Variants in TACR1 observed in about 807,000 individuals in gnomAD.
TACR1 encodes the protein substance-P receptor.
TACR1 carries 25 observed loss-of-function variants against 35.8 expected under a neutral mutation model. That is an observed-to-expected ratio of 0.70 (90% CI 0.51 to 0.98). The LOEUF (loss-of-function observed/expected upper bound fraction) is 0.98. Among genes scored for constraint, TACR1 ranks in the 50% least tolerant of loss-of-function variants. TACR1 has a pLI of 0.00. For missense variants in TACR1, 478 were observed against 522.9 expected, an observed-to-expected ratio of 0.91 and a Z score of 0.84; for synonymous variants, 195 against 206.7, an observed-to-expected ratio of 0.94 and a Z score of 0.48.
chr2:75,094,859 A>ATATATTTTTTTTTTTTTTTT, intron 2 of TACR1, among the ~76,000 whole-genome samples: 2 of 113,134 alleles, frequency 1.8e-5, no homozygotes, highest in African/African-American at 9.6e-5. Context: ...ATATATATAT[A>ATATATTTTTTTTTTTTTTTT]TTTTTTTTTT....
At chr2:75,066,097 G>A (rs911380110) in intron 2 of TACR1, among the ~76,000 whole-genome samples, 3 of 152,190 alleles carry the variant, frequency 2.0e-5, no homozygotes, top group Admixed American at 2.0e-4. Flanking sequence ...AATGTAAATA[G>A]CTATCGGCTT....
At chr2:75,112,650 A>G (rs1446597807) in intron 2 of TACR1, among the ~76,000 whole-genome samples, 9 of 151,958 alleles carry the variant, frequency 5.9e-5, no homozygotes, top group Non-Finnish European at 1.2e-4. Flanking sequence ...TCCATTTTTC[A>G]TTTTATTTTG....
At chr2:75,161,205 G>A (rs920155552) in intron 1 of TACR1, among the ~76,000 whole-genome samples, 4 of 151,962 alleles carry the variant, frequency 2.6e-5, no homozygotes, top group Non-Finnish European at 5.9e-5. Context: ...AGGGATAAAC[G>A]GTTGAGAAGA....
chr2:75,054,982 G>A (rs949901548), intron 2 of TACR1, among the ~76,000 whole-genome samples: 3 of 152,158 alleles, frequency 2.0e-5, no homozygotes, highest in Non-Finnish European at 4.4e-5. Flanking sequence ...ACCACATTTA[G>A]AATTTAATTA....
chr2:75,100,991 A>C (rs962129578), intron 2 of TACR1, among the ~76,000 whole-genome samples: 1 of 152,118 alleles, frequency 6.6e-6, no homozygotes, highest in African/African-American at 2.4e-5. Context: ...CCATGAAATG[A>C]GTTCCAATGT....
At chr2:75,181,084 T>G (rs1675548047) in intron 1 of TACR1, among the ~76,000 whole-genome samples, 1 of 152,202 alleles carries the variant, frequency 6.6e-6, no homozygotes, top group Non-Finnish European at 1.5e-5. Flanking sequence ...AATGGCCTAC[T>G]AAATCTTCCA....
Position 75,046,766 on chromosome 2 carries a change from T to A in TACR1, c.*2666A>T, listed in dbSNP as rs1263483277. The A allele has an allele frequency of 7.2e-5, 11 of 152,154 alleles. No individual in the cohort carries two copies. The highest frequency in any genetic ancestry group is 5.2e-4 in the Admixed American group (8 of 15,276). The allele number at this position is 152,154 out of a possible 1,614,324, so 9.4% of individuals were successfully genotyped here. A position where few individuals can be genotyped will look rare whatever the true frequency, so the allele number is the denominator to read the frequency against. On this transcript the variant is annotated 3_prime_UTR_variant, in exon 5 of 5. Transcript: ENST00000305249. ...AGTTCATGATATACATCAGGGCTCC[T>A]CCCTGAGAAAGCATGAGGAGGAAGA...
At chr2:75,098,690 T>C (rs573155250) in intron 2 of TACR1, among the ~76,000 whole-genome samples, 1 of 152,168 alleles carries the variant, frequency 6.6e-6, no homozygotes, top group Admixed American at 6.5e-5. Flanking sequence ...GCTCTAGGAG[T>C]GGATTCTCAT....
chr2:75,191,562 G>T (rs1272353393), intron 1 of TACR1, among the ~76,000 whole-genome samples: 1 of 152,148 alleles, frequency 6.6e-6, no homozygotes, highest in Non-Finnish European at 1.5e-5. Flanking sequence ...GCAAGGTGTG[G>T]GTCAGGTATC....
intron 1 of TACR1, among the ~76,000 whole-genome samples, chr2:75,182,431 C>G (rs533569143): frequency 1.3e-5 from 2 of 152,158 alleles, no homozygotes; most frequent in Non-Finnish European, 2.9e-5. Flanking sequence ...CCTGAACTCC[C>G]GCTCTTCCTT....
At chr2:75,077,531 CAACACAATACACA>C (rs928138305) in intron 2 of TACR1, among the ~76,000 whole-genome samples, 2 of 152,206 alleles carry the variant, frequency 1.3e-5, no homozygotes, top group Admixed American at 6.5e-5. Context: ...GATGTGGGAA[CAACACAATACACA>C]AACATCCTGG....
At chr2:75,148,201 G>C (rs557784175) in intron 1 of TACR1, among the ~76,000 whole-genome samples, 2 of 152,246 alleles carry the variant, frequency 1.3e-5, no homozygotes, top group South Asian at 4.1e-4. Context: ...TATCTTTATA[G>C]TAGAATGATT....
intron 1 of TACR1, among the ~76,000 whole-genome samples, chr2:75,196,496 C>G (rs1285517673): frequency 6.6e-6 from 1 of 152,112 alleles, no homozygotes; most frequent in African/African-American, 2.4e-5. Flanking sequence ...CATTCCCTGT[C>G]GCTGTCATTT....
At chr2:75,148,777 T>G (rs1252512126) in intron 1 of TACR1, among the ~76,000 whole-genome samples, 1 of 152,224 alleles carries the variant, frequency 6.6e-6, no homozygotes, top group Non-Finnish European at 1.5e-5. Flanking sequence ...TTTGGTGTTT[T>G]CATCATGAAA....
chr2:75,124,709 G>A (rs3771822), intron 1 of TACR1, among the ~76,000 whole-genome samples: 73,255 of 152,108 alleles, frequency 0.48, 18,454 homozygotes, highest in Non-Finnish European at 0.54. Flanking sequence ...ATTGGGCATG[G>A]CTGTATGATA....
intron 2 of TACR1, among the ~76,000 whole-genome samples, chr2:75,109,051 G>A (rs1278956400): frequency 6.6e-6 from 1 of 152,198 alleles, no homozygotes; most frequent in African/African-American, 2.4e-5. Context: ...GGCAGCTGCA[G>A]GAAGAACAAC....
intron 2 of TACR1, among the ~76,000 whole-genome samples, chr2:75,117,927 G>T (rs1366065298): frequency 3.3e-5 from 5 of 152,138 alleles, no homozygotes; most frequent in Non-Finnish European, 4.4e-5. Flanking sequence ...TTGAAAAATC[G>T]CAAGTTGAAT....
At chr2:75,113,532 C>CTTTTTTTTGTT (rs1673792025) in intron 2 of TACR1, among the ~76,000 whole-genome samples, 1 of 92,084 alleles carries the variant, frequency 1.1e-5, no homozygotes, top group Non-Finnish European at 2.0e-5. Flanking sequence ...TTTCTTCTTC[C>CTTTTTTTTGTT]TTTTTTTTTT....
Position 75,066,396 on chromosome 2 carries a change from G to A in TACR1, c.585-12641C>T, listed in dbSNP as rs150773010. ...GAGCTAAGAAGAAGAATGGATAAAT[G>A]TCACTCAGAGCGGGGAAACCACAGT... On this transcript the variant is annotated intron_variant, in intron 2 of 4. Transcript: ENST00000305249. Among the ~76,000 whole-genome samples the A allele has an allele frequency of 4.6e-3, 698 of 152,316 alleles. 6 individuals are homozygous for A. The highest frequency in any genetic ancestry group is 0.016 in the African/African-American group (647 of 41,564).
Sources: allele counts gnomAD v4.1 joint callset (sites outside exome capture counted in the v4.1 genomes callset), GRCh38; gene constraint gnomAD v4.1.1; transcripts MANE v1.5; gene names NCBI Gene and HGNC (gene_info 2026-07-23, HGNC 2026-07-21).